EIF4H: variants seen among roughly 807,000 people sequenced by gnomAD.
The protein encoded by EIF4H is eukaryotic translation initiation factor 4H, also known as Williams-Beuren syndrome chromosome region 1.
A neutral mutation model predicts 30.6 loss-of-function variants in EIF4H; 8 were observed. The ratio of observed to expected loss-of-function variants is 0.26; its 90% CI spans 0.15 to 0.47. The LOEUF is 0.47. EIF4H is among the 20% of genes least tolerant of loss of function. The pLI, the probability that EIF4H is intolerant of heterozygous loss-of-function variation, is 0.99. For missense variants in EIF4H, 188 were observed against 339.5 expected (o/e 0.55, Z 3.51); for synonymous variants, 106 against 122.7 (o/e 0.86, Z 0.90).
rs782446761 is a variant in EIF4H at position 74,191,274 on chromosome 7, C to T, written c.469+968C>T. Reference sequence around the variant, plus strand: ...TCTGTAATTTTATGTATAAGCTAGTCTCTGATTGAAACATGCAGCAGCTGT... The same window carrying T: ...TCTGTAATTTTATGTATAAGCTAGTTTCTGATTGAAACATGCAGCAGCTGT... On this transcript the variant is annotated intron_variant, in intron 5 of 6. Coordinates refer to ENST00000265753, the MANE Select transcript of EIF4H (RefSeq NM_022170.2). The T allele has an allele frequency of 7.5e-6, 4 of 533,278 alleles. No homozygotes were observed. In the Admixed American group the frequency reaches 7.8e-5, roughly 10 times the overall value. 33.0% of individuals were successfully genotyped at this position (533,278 alleles called of 1,614,324 possible). A position where few individuals can be genotyped will look rare whatever the true frequency, so the allele number is the denominator to read the frequency against.
chr7:74,194,969 A>C, intron 6 of EIF4H, 91 bp downstream of exon 6: 1 of 1,518,328 alleles, frequency 6.6e-7, no homozygotes, highest in South Asian at 1.3e-5. Flanking sequence ...GTTCTACGGC[A>C]CACAGAGTTG....
intron 5 of EIF4H, among the ~76,000 whole-genome samples, chr7:74,190,609 G>T (rs1303316148): frequency 1.3e-5 from 2 of 152,214 alleles, no homozygotes; most frequent in African/African-American, 4.8e-5. Flanking sequence ...AAACTCCTCT[G>T]TGGTTTTGTG....
intron 1 of EIF4H, among the ~76,000 whole-genome samples, chr7:74,177,068 T>A (rs1471649453): frequency 6.6e-6 from 1 of 152,204 alleles, no homozygotes; most frequent in Non-Finnish European, 1.5e-5. Context: ...ATCTAAAAAC[T>A]GGCAAAACTC....
At chr7:74,189,781 T>G (rs1320730438) in intron 3 of EIF4H, 41 bp from the exon 4 acceptor site, 2 of 1,614,006 alleles carry the variant, frequency 1.2e-6, no homozygotes, top group Admixed American at 3.3e-5. Flanking sequence ...TTGAGATTGT[T>G]TTCTTTGCCA....
intron 1 of EIF4H, among the ~76,000 whole-genome samples, chr7:74,176,239 C>CTTT (rs1283931267): frequency 7.3e-6 from 1 of 137,684 alleles, no homozygotes; most frequent in Non-Finnish European, 1.6e-5. Context: ...CATGTGTATT[C>CTTT]TTTTTTTTTT....
intron 2 of EIF4H, among the ~76,000 whole-genome samples, chr7:74,188,745 C>T (rs1246326523): frequency 2.0e-5 from 3 of 152,118 alleles, no homozygotes; most frequent in Non-Finnish European, 4.4e-5. Context: ...GAGTTTGGCT[C>T]ATGAAGGACC....
At chr7:74,176,985 T>G (rs368483009) in intron 1 of EIF4H, among the ~76,000 whole-genome samples, 10 of 152,314 alleles carry the variant, frequency 6.6e-5, no homozygotes, top group African/African-American at 2.4e-4. Flanking sequence ...GAGTGCTTAG[T>G]GGAAAACCAC....
At chr7:74,191,860 A>G (rs150873) in intron 5 of EIF4H, among the ~76,000 whole-genome samples, 133,137 of 151,500 alleles carry the variant, frequency 0.88, 59,424 homozygotes, top group Non-Finnish European at 0.96. Flanking sequence ...GCTCACTGCA[A>G]GCTCTGCCTC....
rs575700661 is a variant in EIF4H, at chr7:74,195,349, A to G, written c.*41A>G. 1.3e-6 allele frequency: 2 copies of G among 1,581,138 alleles called. No individual in the cohort carries two copies. The highest frequency in any genetic ancestry group is 1.1e-5 in the South Asian group (1 of 87,070). ...GGAATGGGGCGTGGGGGGTTAGAGC[A>G]GGACCACAGCCTGGTGAGTCCCCGG... On this transcript the variant is annotated 3_prime_UTR_variant, in exon 7 of 7. Coordinates refer to ENST00000265753, the MANE Select transcript of EIF4H (RefSeq NM_022170.2).
Position 74,178,190 on chromosome 7 carries a change from C to T in EIF4H, c.59+3748C>T, listed in dbSNP as rs146444563. Among the ~76,000 whole-genome samples the T allele has an allele frequency of 5.1e-4, 78 of 152,302 alleles. No individual in the cohort carries two copies. The East Asian group carries it at 0.012, about 24-fold the overall frequency. On this transcript the variant is annotated intron_variant, in intron 1 of 6. Coordinates refer to ENST00000265753, the MANE Select transcript of EIF4H (RefSeq NM_022170.2). ...CCCTGGGCTCAAGGGATCTTCCTGC[C>T]TCAGCCTCCCAAGGCTCATTGTGTG...
At chr7:74,195,133 T>C (rs1554710512) in intron 6 of EIF4H, 36 bp from the exon 7 acceptor site, 1 of 1,610,858 alleles carries the variant, frequency 6.2e-7, no homozygotes, top group South Asian at 1.1e-5. Flanking sequence ...TGGAATGGGA[T>C]CCACACTCTG....
chr7:74,176,438 C>T (rs1166935102), intron 1 of EIF4H, among the ~76,000 whole-genome samples: 5 of 152,128 alleles, frequency 3.3e-5, no homozygotes, highest in Non-Finnish European at 7.4e-5. Flanking sequence ...GAACAAATGT[C>T]ACTGCTTTAC....
Position 74,190,324 on chromosome 7 carries a change from A to G in EIF4H, c.469+18A>G. On this transcript the variant is annotated intron_variant, in intron 5 of 6. Transcript: ENST00000265753. ...CAATTCTGGTATCAGTATTTAAAGTATCACCACTTAATTTTTCCTAGGAGC... is the reference window on the plus strand; with the variant it reads ...CAATTCTGGTATCAGTATTTAAAGTGTCACCACTTAATTTTTCCTAGGAGC... 1 of 1,612,920 alleles carries G rather than the reference A, an allele frequency of 6.2e-7. No homozygotes were observed. Among genetic ancestry groups the G allele is most frequent in the Non-Finnish European group, 8.5e-7 (1 of 1,178,900 alleles).
chr7:74,194,147 C>T (rs1801288214), intron 5 of EIF4H, among the ~76,000 whole-genome samples: 1 of 152,248 alleles, frequency 6.6e-6, no homozygotes, highest in Non-Finnish European at 1.5e-5. Context: ...GCTGTGCTCT[C>T]TGCTCATGCC....
intron 1 of EIF4H, among the ~76,000 whole-genome samples, chr7:74,179,631 C>CAGA (rs782458317): frequency 1.6e-5 from 2 of 128,062 alleles, no homozygotes; most frequent in Non-Finnish European, 3.3e-5. Flanking sequence ...GACTCTGTAT[C>CAGA]AAAAAAAAAA....
chr7:74,192,306 G>A (rs1554710081), intron 5 of EIF4H, among the ~76,000 whole-genome samples: 1 of 152,210 alleles, frequency 6.6e-6, no homozygotes, highest in East Asian at 1.9e-4. Flanking sequence ...ACTGTGTAAT[G>A]TGGGTAAAAT....
At chr7:74,181,792 T>TGGCGCGATCTCAGC (rs1554708439) in intron 1 of EIF4H, among the ~76,000 whole-genome samples, 2 of 145,952 alleles carry the variant, frequency 1.4e-5, no homozygotes. Flanking sequence ...TAGAGCTCAG[T>TGGCGCGATCTCAGC]GGCGCGATCT....
At chr7:74,192,253 C>T (rs1554710075) in intron 5 of EIF4H, among the ~76,000 whole-genome samples, 2 of 152,090 alleles carry the variant, frequency 1.3e-5, no homozygotes, top group South Asian at 2.1e-4. Context: ...TTGGGGGAAA[C>T]GTGAAGTTAA....
chr7:74,192,533 G>A (rs1177280655), intron 5 of EIF4H, among the ~76,000 whole-genome samples: 1 of 152,132 alleles, frequency 6.6e-6, no homozygotes, highest in Non-Finnish European at 1.5e-5. Flanking sequence ...CACAGGTGAT[G>A]CAGTCAGCGC....
Sources: allele counts gnomAD v4.1 joint callset (sites outside exome capture counted in the v4.1 genomes callset), GRCh38; gene constraint gnomAD v4.1.1; transcripts MANE v1.5; gene names NCBI Gene and HGNC (gene_info 2026-07-23, HGNC 2026-07-21).